Variants in SOX5 observed in about 807,000 individuals in gnomAD.
The protein encoded by SOX5 is SRY-box transcription factor 5.
SOX5 carries 9 observed loss-of-function variants against 92.0 expected under a neutral mutation model. The ratio of observed to expected loss-of-function variants is 0.10; its 90% CI spans 0.06 to 0.17. The LOEUF is 0.17. Ranked by LOEUF, SOX5 falls within the 10% of genes least tolerant of loss-of-function variation. SOX5 has a pLI of 1.00. For missense variants in SOX5, 642 were observed against 944.5 expected, an observed-to-expected ratio of 0.68 and a Z score of 4.20; for synonymous variants, 344 against 336.3, an observed-to-expected ratio of 1.02 and a Z score of -0.25.
rs528888851 is a variant in SOX5, at chr12:24,096,005, C to G, written c.-2+117338G>C. Among the ~76,000 whole-genome samples the G allele has an allele frequency of 1.4e-4, 21 of 152,284 alleles. No individual in the cohort carries two copies. In the East Asian group the frequency reaches 3.9e-3, roughly 28 times the overall value. On this transcript the variant is annotated intron_variant, in intron 4 of 4. Coordinates refer to the SOX5 transcript ENST00000446891. ...AATATGAAAATGGACTAATACAAAC[C>G]TCTTACCCTAACGGTCATTCTTATT...
At chr12:24,082,144 T>G (rs1263623786) in intron 4 of SOX5, among the ~76,000 whole-genome samples, 1 of 151,876 alleles carries the variant, frequency 6.6e-6, no homozygotes, top group Non-Finnish European at 1.5e-5. Flanking sequence ...ATTAAATATG[T>G]CACATTATAG....
In SOX5 at chr12:23,618,588, C is replaced by T. The variant is rs141147174; in HGVS notation, c.1018-14055G>A. On this transcript the variant is annotated intron_variant, in intron 8 of 14. Transcript: ENST00000451604. ...ATAAGGGGAGGAAGTACAAGAACCA[C>T]GATTTTCTCCATGACTACGATATGT... Among the ~76,000 whole-genome samples the T allele has an allele frequency of 1.9e-4, 29 of 152,202 alleles. No individual in the cohort carries two copies. The East Asian group carries it at 3.7e-3, about 19-fold the overall frequency.
chr12:24,145,035 G>C (rs1393668310), intron 4 of SOX5, among the ~76,000 whole-genome samples: 1 of 151,900 alleles, frequency 6.6e-6, no homozygotes, highest in Non-Finnish European at 1.5e-5. Context: ...CAAGGCTGCA[G>C]TAAGCCACAA....
intron 2 of SOX5, among the ~76,000 whole-genome samples, chr12:24,328,731 T>C (rs961298519): frequency 6.6e-6 from 1 of 152,200 alleles, no homozygotes; most frequent in Non-Finnish European, 1.5e-5. Context: ...CTTTTGGAGG[T>C]GTGGGAGATG....
At chr12:24,440,625 TGTGTGTGTGTGTGTGA>T (rs149046115) in intron 1 of SOX5, among the ~76,000 whole-genome samples, 12,750 of 151,070 alleles carry the variant, frequency 0.084, 664 homozygotes, top group South Asian at 0.16. Context: ...TGTGTGTGTG[TGTGTGTGTGTGTGTGA>T]AGAACAGAAG....
chr12:23,856,626 T>A (rs553275447), intron 2 of SOX5, among the ~76,000 whole-genome samples: 1 of 152,242 alleles, frequency 6.6e-6, no homozygotes, highest in South Asian at 2.1e-4. Flanking sequence ...CTTCCTCAAC[T>A]GATTCAGGTG....
At chr12:24,213,419 T>TAAAAAAAAAAAAAAAAAAAAAAAA (rs67296842) in intron 3 of SOX5, 4 of 96,864 alleles carry the variant, frequency 4.1e-5, no homozygotes, top group South Asian at 3.6e-4. Flanking sequence ...CTTGAAATGC[T>TAAAAAAAAAAAAAAAAAAAAAAAA]AAAAAAAAAA....
chr12:24,256,075 G>A (rs1941107000), intron 3 of SOX5, among the ~76,000 whole-genome samples: 1 of 152,180 alleles, frequency 6.6e-6, no homozygotes, highest in African/African-American at 2.4e-5. Context: ...TTTGCTCAAA[G>A]TGTGCAAACC....
rs543356349 is a variant in SOX5, at chr12:23,589,827, A to T, written c.1165-13989T>A. Among the ~76,000 whole-genome samples, 17 of 152,034 alleles carry T rather than the reference A, an allele frequency of 1.1e-4. No individual in the cohort carries two copies. In the South Asian group the frequency reaches 3.5e-3, roughly 32 times the overall value. ...CCAAACCATTGACCTTTGATCATGT[A>T]TTTATTCTTCTAAAAGAAGTAGAGC... On this transcript the variant is annotated intron_variant, in intron 9 of 14. Coordinates refer to ENST00000451604, the MANE Select transcript of SOX5 (RefSeq NM_006940.6).
chr12:23,912,901 A>G (rs2097367257), intron 1 of SOX5, among the ~76,000 whole-genome samples: 1 of 152,224 alleles, frequency 6.6e-6, no homozygotes, highest in South Asian at 2.1e-4. Context: ...TAATGAAAAT[A>G]TTCTAAAATT....
At chr12:23,607,348 AG>A (rs2075369023) in intron 8 of SOX5, among the ~76,000 whole-genome samples, 1 of 152,218 alleles carries the variant, frequency 6.6e-6, no homozygotes. Context: ...AAGATCAATC[AG>A]GAATTTTAAT....
chr12:23,576,754 GATAATATTA>G (rs1235089948), intron 9 of SOX5, among the ~76,000 whole-genome samples: 5 of 151,972 alleles, frequency 3.3e-5, no homozygotes, highest in Non-Finnish European at 5.9e-5. Flanking sequence ...ATAAGAATGA[GATAATATTA>G]ACATTATATC....
intron 1 of SOX5, among the ~76,000 whole-genome samples, chr12:24,419,930 G>C (rs1176970197): frequency 6.6e-6 from 1 of 152,130 alleles, no homozygotes; most frequent in Non-Finnish European, 1.5e-5. Flanking sequence ...TTACCAAAAG[G>C]GAGCCAAAGA....
At chr12:24,520,009 G>A (rs1173179387) in intron 1 of SOX5, among the ~76,000 whole-genome samples, 1 of 151,694 alleles carries the variant, frequency 6.6e-6, no homozygotes, top group Non-Finnish European at 1.5e-5. Flanking sequence ...CAGGCCAGGA[G>A]AGAGTGAAAC....
At chr12:24,356,132 G>A (rs979127052) in intron 2 of SOX5, among the ~76,000 whole-genome samples, 2 of 152,104 alleles carry the variant, frequency 1.3e-5, no homozygotes, top group African/African-American at 4.8e-5. Context: ...TTGAAAAACT[G>A]AGCAAAATTG....
chr12:24,551,656 A>T (rs1295629857), intron 1 of SOX5, among the ~76,000 whole-genome samples: 2 of 152,250 alleles, frequency 1.3e-5, no homozygotes, highest in African/African-American at 4.8e-5. Flanking sequence ...GATAATAGAC[A>T]CAGAGGACTC....
rs1157526720 is a variant in SOX5 at position 24,307,737 on chromosome 12, T to C, written c.-173-30425A>G. 4.2e-4 allele frequency among the ~76,000 whole-genome samples: 10 copies of C among 23,968 alleles called. 5 individuals are homozygous for C. Among genetic ancestry groups the C allele is most frequent in the Non-Finnish European group, 1.0e-3 (8 of 8,026 alleles). The allele number at this position is 23,968 out of a possible 152,430, so 15.7% of individuals were successfully genotyped here. On this transcript the variant is annotated intron_variant, in intron 2 of 4. Transcript: ENST00000446891. ...GCTCTACAGAGACACAGAAAAAGTA[T>C]TATTGGATTCTTCAGGTGGCCTAAT...
At chr12:24,445,569 G>C (rs1258848732) in intron 1 of SOX5, among the ~76,000 whole-genome samples, 1 of 152,214 alleles carries the variant, frequency 6.6e-6, no homozygotes, top group Non-Finnish European at 1.5e-5. Flanking sequence ...AGCTTGGTTA[G>C]GATACTGACA....
chr12:24,426,942 A>G (rs1724285987), intron 1 of SOX5, among the ~76,000 whole-genome samples: 1 of 152,100 alleles, frequency 6.6e-6, no homozygotes, highest in African/African-American at 2.4e-5. Flanking sequence ...AGTCTGCCCT[A>G]CTACCCAAGC....
Sources: allele counts gnomAD v4.1 joint callset (sites outside exome capture counted in the v4.1 genomes callset), GRCh38; gene constraint gnomAD v4.1.1; transcripts MANE v1.5; gene names NCBI Gene and HGNC (gene_info 2026-07-23, HGNC 2026-07-21).